The following PANK1 variants were observed in gnomAD, a reference collection of about 807,000 sequenced individuals.
The protein encoded by PANK1 is pantothenic acid kinase 1.
In PANK1, 18 loss-of-function variants were observed where a neutral mutation model predicts 40.1. The ratio of observed to expected loss-of-function variants is 0.45; its 90% CI spans 0.31 to 0.67. The LOEUF (loss-of-function observed/expected upper bound fraction) is 0.67, where lower values mean the gene tolerates loss of function less well. Among genes scored for constraint, PANK1 ranks in the 30% least tolerant of loss-of-function variants. The pLI is 0.06. For missense variants in PANK1, 457 were observed against 599.6 expected, an observed-to-expected ratio of 0.76 and a Z score of 2.48; for synonymous variants, 242 against 237.7, an observed-to-expected ratio of 1.02 and a Z score of -0.17.
chr10:89,591,466 T>C (rs1844384737), intron 5 of PANK1, among the ~76,000 whole-genome samples: 1 of 152,228 alleles, frequency 6.6e-6, no homozygotes, highest in African/African-American at 2.4e-5. Context: ...TTAGATTTGG[T>C]AAACGTGGTG....
chr10:89,603,388 G>T (rs1032591265), intron 2 of PANK1, among the ~76,000 whole-genome samples: 3 of 151,930 alleles, frequency 2.0e-5, no homozygotes, highest in African/African-American at 4.8e-5. Flanking sequence ...AAATTATTAG[G>T]TTAAATTTAA....
At chr10:89,619,999 T>G (rs1845430122) in intron 1 of PANK1, among the ~76,000 whole-genome samples, 1 of 152,190 alleles carries the variant, frequency 6.6e-6, no homozygotes, top group African/African-American at 2.4e-5. Context: ...TACTGCAATC[T>G]CTGAACATAA....
intron 2 of PANK1, among the ~76,000 whole-genome samples, chr10:89,608,640 A>G (rs1225744003): frequency 6.6e-6 from 1 of 152,192 alleles, no homozygotes; most frequent in Non-Finnish European, 1.5e-5. Flanking sequence ...CCTAGCCCTA[A>G]TCGCTCAAAT....
intron 6 of PANK1, among the ~76,000 whole-genome samples, chr10:89,585,110 G>A (rs148056048): frequency 2.4e-4 from 36 of 152,286 alleles, no homozygotes; most frequent in African/African-American, 7.7e-4. Flanking sequence ...CACAGTTCTA[G>A]AGGCTGGGAA....
chr10:89,622,144 T>C (rs187677566), intron 1 of PANK1, among the ~76,000 whole-genome samples: 69 of 152,328 alleles, frequency 4.5e-4, no homozygotes, highest in African/African-American at 1.6e-3. Flanking sequence ...TGAAACACAG[T>C]TGAAAACTTA....
At chr10:89,586,000 A>G (rs1226395848) in intron 6 of PANK1, among the ~76,000 whole-genome samples, 1 of 152,228 alleles carries the variant, frequency 6.6e-6, no homozygotes, top group African/African-American at 2.4e-5. Flanking sequence ...GCCAGAGTCC[A>G]CAGAGGCTTA....
At chr10:89,589,039 C>T (rs1352134521) in intron 5 of PANK1, among the ~76,000 whole-genome samples, 2 of 152,130 alleles carry the variant, frequency 1.3e-5, no homozygotes, top group Non-Finnish European at 1.5e-5. Flanking sequence ...GACTGCCTTA[C>T]GTCTGACATT....
intron 1 of PANK1, among the ~76,000 whole-genome samples, chr10:89,615,309 G>A (rs191050889): frequency 5.3e-5 from 8 of 152,324 alleles, no homozygotes; most frequent in African/African-American, 1.7e-4. Flanking sequence ...GGAAGGAAGA[G>A]CCTGCACATA....
At chr10:89,601,790 T>TAAGAAGC (rs1564623094) in intron 2 of PANK1, among the ~76,000 whole-genome samples, 1 of 152,218 alleles carries the variant, frequency 6.6e-6, no homozygotes, top group South Asian at 2.1e-4. Flanking sequence ...TGTATGTAAT[T>TAAGAAGC]ATACATGTTT....
intron 1 of PANK1, among the ~76,000 whole-genome samples, chr10:89,622,900 A>G (rs1396276117): frequency 6.6e-6 from 1 of 152,164 alleles, no homozygotes; most frequent in Non-Finnish European, 1.5e-5. Flanking sequence ...TTTATTGTAC[A>G]ACAACAGAGG....
Position 89,612,057 on chromosome 10 carries a change from CAGAA to C in PANK1, c.293-13_293-10del. The C allele has an allele frequency of 6.2e-7, 1 of 1,606,290 alleles. No homozygotes were observed. The highest frequency in any genetic ancestry group is 2.2e-5 in the East Asian group (1 of 44,840). ...GCCAAACCATGGGAATGCTAAAGGA[CAGAA>C]AGAAAGAGTGCTGCTGAATGCTATG... On this transcript the variant is annotated splice_polypyrimidine_tract_variant and intron_variant, in intron 1 of 6. Coordinates refer to ENST00000307534, the MANE Select transcript of PANK1 (RefSeq NM_148977.3).
intron 1 of PANK1, among the ~76,000 whole-genome samples, chr10:89,623,287 T>A (rs190638990): frequency 8.3e-4 from 127 of 152,298 alleles, no homozygotes; most frequent in African/African-American, 2.9e-3. Context: ...AGTGGCGCAA[T>A]CTCGGCTCAC....
At chr10:89,617,189 T>C (rs982405670) in intron 1 of PANK1, among the ~76,000 whole-genome samples, 2 of 152,330 alleles carry the variant, frequency 1.3e-5, no homozygotes, top group East Asian at 1.9e-4. Context: ...ATGTTGCTTG[T>C]TACTGCAAAA....
At chr10:89,618,714 G>A (rs188687485) in intron 1 of PANK1, among the ~76,000 whole-genome samples, 70 of 152,282 alleles carry the variant, frequency 4.6e-4, no homozygotes, top group Admixed American at 4.3e-3. Flanking sequence ...AATGGTGTAC[G>A]TCACTTTCAG....
At chr10:89,603,839 A>C (rs1844859340) in intron 2 of PANK1, among the ~76,000 whole-genome samples, 1 of 152,198 alleles carries the variant, frequency 6.6e-6, no homozygotes, top group Non-Finnish European at 1.5e-5. Context: ...GAGTGGTCAA[A>C]GTCTCAAGCA....
At chr10:89,621,325 T>C (rs765778598) in intron 1 of PANK1, among the ~76,000 whole-genome samples, 2 of 152,022 alleles carry the variant, frequency 1.3e-5, no homozygotes, top group African/African-American at 2.4e-5. Context: ...AAAATCCTTG[T>C]TAAATCCAAT....
intron 1 of PANK1, among the ~76,000 whole-genome samples, chr10:89,614,320 T>C (rs1845253259): frequency 1.3e-5 from 2 of 152,166 alleles, no homozygotes; most frequent in South Asian, 2.1e-4. Context: ...TCCTGGGCCA[T>C]AAAAAAAGCA....
In PANK1 at chr10:89,599,549, G is replaced by A. The variant is rs554472258; in HGVS notation, c.646-44C>T. On this transcript the variant is annotated intron_variant, in intron 2 of 6. Coordinates refer to ENST00000307534, the MANE Select transcript of PANK1 (RefSeq NM_148977.3). ...CAAAATAAAACCTTGTGAGATAGGCGACCATCTAAGGGGAAGCCCCAGAGG... is the reference window on the plus strand; with the variant it reads ...CAAAATAAAACCTTGTGAGATAGGCAACCATCTAAGGGGAAGCCCCAGAGG... 1.5e-5 allele frequency: 24 copies of A among 1,578,766 alleles called. 1 individual carries two copies. The South Asian group carries it at 1.6e-4, about 11-fold the overall frequency.
At chr10:89,621,321 CT>C (rs1333990656) in intron 1 of PANK1, among the ~76,000 whole-genome samples, 1 of 151,712 alleles carries the variant, frequency 6.6e-6, no homozygotes, top group African/African-American at 2.4e-5. Flanking sequence ...AAAAAAAATC[CT>C]TGTTAAATCC....
Sources: gnomAD v4.1 joint callset for allele counts (sites outside exome capture counted in the v4.1 genomes callset) on GRCh38, gnomAD v4.1.1 for gene constraint, MANE v1.5 for transcripts, NCBI Gene and HGNC (gene_info 2026-07-23, HGNC 2026-07-21) for gene names.